Variants in CALM3 observed in about 807,000 individuals in gnomAD.
CALM3 encodes calmodulin-3.
In CALM3, 5 loss-of-function variants were observed where a neutral mutation model predicts 20.1. That is an observed-to-expected ratio of 0.25 (90% CI 0.13 to 0.52). The LOEUF (loss-of-function observed/expected upper bound fraction) is 0.52. CALM3 is among the 20% of genes least tolerant of loss of function. The pLI, the probability that CALM3 is intolerant of heterozygous loss-of-function variation, is 0.96. For synonymous variants in CALM3, 69 were observed against 68.1 expected (o/e 1.01, Z -0.06); for missense variants, 57 against 192.8 (o/e 0.30, Z 4.17).
intron 1 of CALM3, among the ~76,000 whole-genome samples, chr19:46,604,997 T>C (rs1194030017): frequency 6.8e-6 from 1 of 147,150 alleles, no homozygotes; most frequent in Admixed American, 6.8e-5. Context: ...AAACCCCGCA[T>C]GCAGCAAGGG....
In CALM3 at chr19:46,609,581, C is replaced by G. The variant is rs3729764; in HGVS notation, c.*428C>G. ...CCTGCTGGGAGGGACAAGAGGCCCT[C>G]CCCCAGGCAGAAGAGCATGCCCTTT... On this transcript the variant is annotated 3_prime_UTR_variant, in exon 6 of 6. Coordinates refer to ENST00000291295, the MANE Select transcript of CALM3 (RefSeq NM_005184.4). 3 of 193,694 alleles carry G rather than the reference C, an allele frequency of 1.5e-5. No homozygotes were observed. The highest frequency in any genetic ancestry group is 3.2e-5 in the Non-Finnish European group (3 of 94,002). The allele number at this position is 193,694 out of a possible 1,614,324, so 12.0% of individuals were successfully genotyped here. A position where few individuals can be genotyped will look rare whatever the true frequency, so the allele number is the denominator to read the frequency against.
intron 2 of CALM3, chr19:46,606,162 G>C: frequency 3.1e-6 from 1 of 322,680 alleles, no homozygotes; most frequent in South Asian, 3.5e-5. Flanking sequence ...CTCTCTCCCA[G>C]CTTCAGCCAG....
Position 46,605,737 on chromosome 19 carries a change from C to T in CALM3, c.4-90C>T. The T allele has an allele frequency of 5.2e-6, 7 of 1,337,022 alleles. No individual in the cohort carries two copies. Among genetic ancestry groups the T allele is most frequent in the South Asian group, 1.2e-5 (1 of 84,760 alleles). 82.8% of individuals were successfully genotyped at this position (1,337,022 alleles called of 1,614,324 possible). ...GGCGGGAATGGCACGTGGAGCTGGC[C>T]TCACTGGGGCCGAGGGTCTGGGCTG... On this transcript the variant is annotated intron_variant, in intron 1 of 5. Coordinates refer to ENST00000291295, the MANE Select transcript of CALM3 (RefSeq NM_005184.4). This position sits in a 1 kb window ranked among gnomAD's most constrained non-coding sequence, Gnocchi z 4.1.
chr19:46,607,325 CA>C (rs531819311), intron 2 of CALM3, among the ~76,000 whole-genome samples: 2 of 152,332 alleles, frequency 1.3e-5, no homozygotes, highest in African/African-American at 4.8e-5. Context: ...GTCTGCTTTT[CA>C]CCCTGTCCCC....
Position 46,601,424 on chromosome 19 carries a change from C to T in CALM3, c.-11C>T. 1 of 1,504,624 alleles carries T rather than the reference C, an allele frequency of 6.6e-7. No homozygotes were observed. The allele number at this position is 1,504,624 out of a possible 1,614,324, so 93.2% of individuals were successfully genotyped here. A position where few individuals can be genotyped will look rare whatever the true frequency, so the allele number is the denominator to read the frequency against. On this transcript the variant is annotated 5_prime_UTR_variant, in exon 1 of 6. Coordinates refer to ENST00000291295, the MANE Select transcript of CALM3 (RefSeq NM_005184.4). This position sits in a 1 kb window ranked among gnomAD's most constrained non-coding sequence, Gnocchi z 4.2. ...CTTGATCCCCGTGCTCCGGACACCCCGGGCCTCGCCATGGTGAGTGAGGCT... is the reference window on the plus strand; with the variant it reads ...CTTGATCCCCGTGCTCCGGACACCCTGGGCCTCGCCATGGTGAGTGAGGCT...
In CALM3 at chr19:46,608,437, A is replaced by G. The variant is rs771082049; in HGVS notation, c.179-45A>G. 1.2e-6 allele frequency: 2 copies of G among 1,606,566 alleles called. No individual in the cohort carries two copies. The highest frequency in any genetic ancestry group is 2.7e-5 in the African/African-American group (2 of 74,746). ...GGTGATGGATGAGCCCGTGTCTCTC[A>G]GGGCCCAGGCCAAGAGCATTCTCCA... is the stretch of plus-strand genomic sequence containing the variant. On this transcript the variant is annotated intron_variant, in intron 3 of 5. Coordinates refer to ENST00000291295, the MANE Select transcript of CALM3 (RefSeq NM_005184.4). The surrounding 1 kb of genome is among the most constrained non-coding windows in gnomAD (Gnocchi z 5.5).
chr19:46,610,024 TA>T lies in CALM3; in HGVS notation c.*873del, dbSNP rs1440595459. On this transcript the variant is annotated 3_prime_UTR_variant, in exon 6 of 6. Coordinates refer to ENST00000291295, the MANE Select transcript of CALM3 (RefSeq NM_005184.4). ...AATGGATGTGGGGATGGTCGCTTTG[TA>T]ATGTGCTGGTTCTCTTTTTTTTTCT... The T allele has an allele frequency of 6.5e-6, 1 of 152,770 alleles. No homozygotes were observed. Among genetic ancestry groups the T allele is most frequent in the Non-Finnish European group, 1.5e-5 (1 of 68,142 alleles). The allele number at this position is 152,770 out of a possible 1,614,324, so 9.5% of individuals were successfully genotyped here. A position where few individuals can be genotyped will look rare whatever the true frequency, so the allele number is the denominator to read the frequency against.
In CALM3 at chr19:46,610,450, A is replaced by C. The variant is rs1971857870; in HGVS notation, c.*1297A>C. On this transcript the variant is annotated 3_prime_UTR_variant, in exon 6 of 6. Transcript: ENST00000291295. ...TTTTTTCCCCTTTTCTGTTCATTTC[A>C]TCTGGCTCCCCCCACCACCTCCCCA... 2.0e-5 allele frequency: 3 copies of C among 150,698 alleles called. No individual in the cohort carries two copies. The highest frequency in any genetic ancestry group is 7.3e-5 in the African/African-American group (3 of 40,844). 9.3% of individuals were successfully genotyped at this position (150,698 alleles called of 1,614,324 possible). A position where few individuals can be genotyped will look rare whatever the true frequency, so the allele number is the denominator to read the frequency against.
intron 2 of CALM3, among the ~76,000 whole-genome samples, chr19:46,606,844 A>T (rs944046080): frequency 6.6e-6 from 1 of 152,164 alleles, no homozygotes; most frequent in African/African-American, 2.4e-5. Context: ...GCCAGCACAC[A>T]GTAGACCAGA....
chr19:46,608,543 A>G lies in CALM3; in HGVS notation c.240A>G (p.Thr80=), dbSNP rs1355350182. ...LTMMARKMKD[T]DSEEEIREAF... Reference sequence around the variant, plus strand: ...TGATGGCCAGAAAGATGAAGGACACAGACAGTGAGGAGGAGATCCGAGAGG... The same window carrying G: ...TGATGGCCAGAAAGATGAAGGACACGGACAGTGAGGAGGAGATCCGAGAGG... The change falls in exon 4 of 6, where the codon ACA becomes ACG. Residue 80 remains threonine (T), a synonymous_variant. Transcript: ENST00000291295. This position sits in a 1 kb window ranked among gnomAD's most constrained non-coding sequence, Gnocchi z 5.5. The G allele has an allele frequency of 6.2e-7, 1 of 1,614,204 alleles. No individual in the cohort carries two copies. Among genetic ancestry groups the G allele is most frequent in the Non-Finnish European group, 8.5e-7 (1 of 1,180,008 alleles).
chr19:46,604,204 C>G (rs976659328), intron 1 of CALM3, among the ~76,000 whole-genome samples: 5 of 152,148 alleles, frequency 3.3e-5, no homozygotes, highest in African/African-American at 9.7e-5. Flanking sequence ...TCTCACTTTC[C>G]CTAAGCCTCT....
chr19:46,601,473 T>C lies in CALM3; in HGVS notation c.3+36T>C. 1.3e-6 allele frequency: 2 copies of C among 1,482,286 alleles called. No individual in the cohort carries two copies. Among genetic ancestry groups the C allele is most frequent in the Non-Finnish European group, 1.8e-6 (2 of 1,115,546 alleles). The allele number at this position is 1,482,286 out of a possible 1,614,324, so 91.8% of individuals were successfully genotyped here. On this transcript the variant is annotated intron_variant, in intron 1 of 5. Transcript: ENST00000291295. This position sits in a 1 kb window ranked among gnomAD's most constrained non-coding sequence, Gnocchi z 4.2. Reference sequence around the variant, plus strand: ...CTGGGGGGTCGCCGAGGCTGCGGGCTCTGAGGCGGGCTTAACGGGGCAGGA... The same window carrying C: ...CTGGGGGGTCGCCGAGGCTGCGGGCCCTGAGGCGGGCTTAACGGGGCAGGA...
chr19:46,601,546 C>T lies in CALM3; in HGVS notation c.3+109C>T. The T allele has an allele frequency of 9.2e-7, 1 of 1,083,126 alleles. No homozygotes were observed. Among genetic ancestry groups the T allele is most frequent in the East Asian group, 3.3e-5 (1 of 30,578 alleles). The allele number at this position is 1,083,126 out of a possible 1,614,324, so 67.1% of individuals were successfully genotyped here. On this transcript the variant is annotated intron_variant, in intron 1 of 5. Coordinates refer to ENST00000291295, the MANE Select transcript of CALM3 (RefSeq NM_005184.4). This position sits in a 1 kb window ranked among gnomAD's most constrained non-coding sequence, Gnocchi z 4.2. ...CAGAGTGGGGGGCGTCCGGGCCCGG[C>T]GAGAGCCTCGGGACCCTTTTCTACC...
At chr19:46,604,788 G>A (rs1363085975) in intron 1 of CALM3, among the ~76,000 whole-genome samples, 4 of 152,004 alleles carry the variant, frequency 2.6e-5, no homozygotes, top group African/African-American at 9.7e-5. Flanking sequence ...ACCCACCATG[G>A]TCCCGGGATG....
In CALM3 at chr19:46,605,941, A is replaced by T; in HGVS notation, c.34+84A>T. On this transcript the variant is annotated intron_variant, in intron 2 of 5. Coordinates refer to ENST00000291295, the MANE Select transcript of CALM3 (RefSeq NM_005184.4). The surrounding 1 kb of genome is among the most constrained non-coding windows in gnomAD (Gnocchi z 4.1). The stretch of plus-strand genomic sequence containing the variant: ...CTTAGCCACTGAGGAGTGACATCTG[A>T]TGGGTGAACCTGTGTATCCCTTGTG... 8.1e-7 allele frequency: 1 copy of T among 1,229,500 alleles called. No homozygotes were observed. Among genetic ancestry groups the T allele is most frequent in the Non-Finnish European group, 1.2e-6 (1 of 831,776 alleles). The allele number at this position is 1,229,500 out of a possible 1,614,324, so 76.2% of individuals were successfully genotyped here.
rs768965117 is a variant in CALM3, at chr19:46,605,870, T to G, written c.34+13T>G. ...GAGCAGATTGCAGGTGAGTCTGCTA[T>G]CCCCCTCATCTTAGCTCAGGAAAGC... On this transcript the variant is annotated intron_variant, in intron 2 of 5. Transcript: ENST00000291295. This position sits in a 1 kb window ranked among gnomAD's most constrained non-coding sequence, Gnocchi z 4.1. 6.2e-7 allele frequency: 1 copy of G among 1,613,384 alleles called. No homozygotes were observed. Among genetic ancestry groups the G allele is most frequent in the African/African-American group, 1.3e-5 (1 of 74,904 alleles).
chr19:46,604,070 G>A (rs1971690463), intron 1 of CALM3, among the ~76,000 whole-genome samples: 1 of 152,192 alleles, frequency 6.6e-6, no homozygotes, highest in Non-Finnish European at 1.5e-5. Context: ...TTCTAGGCCA[G>A]GGGAAAGAAT....
chr19:46,601,177 G>A (rs1971601592), upstream of CALM3: 1 of 498,034 alleles, frequency 2.0e-6, no homozygotes, highest in Non-Finnish European at 3.4e-6. This position sits in a 1 kb window ranked among gnomAD's most constrained non-coding sequence, Gnocchi z 4.2. Context: ...GGGCCCGTAG[G>A]TGTGGAGCGG....
In CALM3 at chr19:46,608,929, T is replaced by G; in HGVS notation, c.369T>G (p.Asp123Glu). 1 of 1,610,048 alleles carries G rather than the reference T, an allele frequency of 6.2e-7. No homozygotes were observed. The highest frequency in any genetic ancestry group is 8.5e-7 in the Non-Finnish European group (1 of 1,178,018). The change falls in exon 5 of 6, where the codon GAT becomes GAG. Residue 123 changes from aspartate to glutamate, a missense_variant. Asp to Glu is a conservative substitution (Grantham distance 45). Transcript: ENST00000291295. The surrounding 1 kb of genome is among the most constrained non-coding windows in gnomAD (Gnocchi z 5.5). ...LGEKLTDEEV[D>E]EMIREADIDG... Reference sequence around the variant, plus strand: ...AGAAGCTGACCGATGAGGAGGTGGATGAGATGATCAGGGAGGCTGACATCG... The same window carrying G: ...AGAAGCTGACCGATGAGGAGGTGGAGGAGATGATCAGGGAGGCTGACATCG...
Sources: gnomAD v4.1 joint callset for allele counts (sites outside exome capture counted in the v4.1 genomes callset) on GRCh38, gnomAD v4.1.1 for gene constraint, Gnocchi (gnomAD v3.1) non-coding constraint, MANE v1.5 for transcripts, NCBI Gene and HGNC (gene_info 2026-07-23, HGNC 2026-07-21) for gene names.